DLG2: variants seen among roughly 807,000 people sequenced by gnomAD.
The protein encoded by DLG2 is discs large MAGUK scaffold protein 2.
Under a neutral mutation model 132.5 loss-of-function variants are expected in DLG2, and 45 were observed. The ratio of observed to expected loss-of-function variants is 0.34; its 90% CI spans 0.27 to 0.44. DLG2 has a LOEUF of 0.44. Among genes scored for constraint, DLG2 ranks in the 20% least tolerant of loss-of-function variants. The probability of loss-of-function intolerance (pLI) is 1.00; values close to 1 mark genes in which losing one functional copy is unlikely to be tolerated. For synonymous variants in DLG2, 424 were observed against 419.6 expected (o/e 1.01, Z -0.13); for missense variants, 1,045 against 1,196.9 (o/e 0.87, Z 1.87).
At chr11:84,006,382 G>C (rs75261048) in intron 11 of DLG2, among the ~76,000 whole-genome samples, 1,835 of 151,702 alleles carry the variant, frequency 0.012, 18 homozygotes, top group Middle Eastern at 0.082. Flanking sequence ...AAGCAGAGTA[G>C]AGTGGCTATA....
At chr11:85,058,657 T>C (rs2063709867) in intron 6 of DLG2, among the ~76,000 whole-genome samples, 1 of 151,538 alleles carries the variant, frequency 6.6e-6, no homozygotes. Flanking sequence ...GTAATTAAGA[T>C]AGTGCTCAGT....
intron 6 of DLG2, among the ~76,000 whole-genome samples, chr11:84,939,795 T>C (rs560408253): frequency 4.6e-5 from 7 of 152,376 alleles, no homozygotes; most frequent in East Asian, 1.9e-4. Flanking sequence ...ATTGTGTATA[T>C]GTAAAACATT....
At chr11:84,484,378 G>A (rs1277469790) in intron 7 of DLG2, among the ~76,000 whole-genome samples, 1 of 152,030 alleles carries the variant, frequency 6.6e-6, no homozygotes, top group Non-Finnish European at 1.5e-5. Context: ...CACTCACTGT[G>A]GACACAACGT....
chr11:83,552,018 G>A (rs1246858034), intron 19 of DLG2, among the ~76,000 whole-genome samples: 1 of 152,166 alleles, frequency 6.6e-6, no homozygotes, highest in African/African-American at 2.4e-5. Context: ...TTTACTGTAT[G>A]TCAGTGATGG....
At chr11:84,209,836 G>A (rs1361222825) in intron 8 of DLG2, among the ~76,000 whole-genome samples, 1 of 152,200 alleles carries the variant, frequency 6.6e-6, no homozygotes, top group African/African-American at 2.4e-5. Flanking sequence ...CAGAGGAACT[G>A]GCTCCCTTAT....
intron 6 of DLG2, among the ~76,000 whole-genome samples, chr11:84,613,578 A>G (rs909912085): frequency 6.6e-6 from 1 of 152,188 alleles, no homozygotes; most frequent in African/African-American, 2.4e-5. Context: ...GGTGCCCTGC[A>G]CATAGTGACC....
chr11:84,710,065 G>C (rs2060213256), intron 6 of DLG2, among the ~76,000 whole-genome samples: 1 of 151,910 alleles, frequency 6.6e-6, no homozygotes. Flanking sequence ...TATGAAGAGA[G>C]AGTGTCACAT....
At chr11:85,588,715 G>T (rs115774864) in intron 3 of DLG2, among the ~76,000 whole-genome samples, 1 of 151,872 alleles carries the variant, frequency 6.6e-6, no homozygotes, top group African/African-American at 2.4e-5. Flanking sequence ...TGAATCAATT[G>T]CTATGAAGCT....
At chr11:85,398,373 A>G (rs2087636106) in intron 3 of DLG2, among the ~76,000 whole-genome samples, 1 of 152,176 alleles carries the variant, frequency 6.6e-6, no homozygotes, top group Admixed American at 6.5e-5. Context: ...AAAGAACTAG[A>G]GAAGCTGGAG....
chr11:84,305,629 C>T (rs1024269843), intron 7 of DLG2, among the ~76,000 whole-genome samples: 22 of 152,110 alleles, frequency 1.4e-4, no homozygotes, highest in African/African-American at 5.1e-4. Context: ...ATCTACCTAC[C>T]TACCTACCTA....
intron 16 of DLG2, among the ~76,000 whole-genome samples, chr11:83,869,919 C>A (rs1281504288): frequency 6.6e-6 from 1 of 152,156 alleles, no homozygotes; most frequent in Admixed American, 6.5e-5. Context: ...AGTGCCTTCT[C>A]CTAGATGAAA....
chr11:83,977,468 A>G (rs1253189689), intron 12 of DLG2, among the ~76,000 whole-genome samples: 1 of 152,096 alleles, frequency 6.6e-6, no homozygotes, highest in Admixed American at 6.6e-5. Flanking sequence ...TAAGGTAGGC[A>G]TGAATATATT....
intron 18 of DLG2, among the ~76,000 whole-genome samples, chr11:83,766,829 T>A (rs2094166887): frequency 6.6e-6 from 1 of 152,220 alleles, no homozygotes; most frequent in Admixed American, 6.5e-5. Context: ...CATACATTTA[T>A]CTGAGAGTCT....
intron 3 of DLG2, among the ~76,000 whole-genome samples, chr11:85,537,773 A>G (rs111252159): frequency 6.6e-6 from 1 of 152,052 alleles, no homozygotes; most frequent in African/African-American, 2.4e-5. Flanking sequence ...GAAACTCTGG[A>G]CACATCTGAA....
chr11:85,448,521 G>C (rs1291284902), intron 3 of DLG2, among the ~76,000 whole-genome samples: 1 of 152,160 alleles, frequency 6.6e-6, no homozygotes, highest in Non-Finnish European at 1.5e-5. Flanking sequence ...CCATTATAAA[G>C]TATCATCACA....
intron 19 of DLG2, among the ~76,000 whole-genome samples, chr11:83,614,874 T>G (rs889150697): frequency 6.6e-6 from 1 of 152,220 alleles, no homozygotes; most frequent in African/African-American, 2.4e-5. Flanking sequence ...ATCTAATTAG[T>G]CCAATATTTT....
chr11:85,619,955 C>T (rs188031684), intron 2 of DLG2, among the ~76,000 whole-genome samples: 1 of 152,288 alleles, frequency 6.6e-6, no homozygotes, highest in African/African-American at 2.4e-5. Flanking sequence ...TCAATGAAGT[C>T]AGGTACAGGC....
At chr11:85,486,090 G>A (rs1266215864) in intron 3 of DLG2, among the ~76,000 whole-genome samples, 1 of 152,172 alleles carries the variant, frequency 6.6e-6, no homozygotes, top group East Asian at 1.9e-4. Flanking sequence ...CCTGGTGGTA[G>A]GCCCACAGCT....
intron 3 of DLG2, among the ~76,000 whole-genome samples, chr11:85,540,471 G>A (rs2075892409): frequency 1.3e-5 from 2 of 152,124 alleles, no homozygotes; most frequent in Non-Finnish European, 2.9e-5. Context: ...AAACTCCAGG[G>A]AAACACCACC....
Sources: allele counts gnomAD v4.1 joint callset (sites outside exome capture counted in the v4.1 genomes callset), GRCh38; gene constraint gnomAD v4.1.1; transcripts MANE v1.5; gene names NCBI Gene and HGNC (gene_info 2026-07-23, HGNC 2026-07-21).